PDGFRA: variants seen among roughly 807,000 people sequenced by gnomAD.
The protein encoded by PDGFRA is platelet-derived growth factor receptor alpha.
Under a neutral mutation model 121.5 loss-of-function variants are expected in PDGFRA, and 25 were observed. That is an observed-to-expected ratio of 0.21 (90% CI 0.15 to 0.29). PDGFRA has a LOEUF of 0.29. Ranked by LOEUF, PDGFRA falls within the 10% of genes least tolerant of loss-of-function variation. The pLI, the probability that PDGFRA is intolerant of heterozygous loss-of-function variation, is 1.00. For missense variants in PDGFRA, 1,008 were observed against 1,345.1 expected (o/e 0.75, Z 3.92); for synonymous variants, 463 against 494.8 (o/e 0.94, Z 0.85).
chr4:54,261,459 C>T (rs2110243994), intron 3 of PDGFRA, 47 bp downstream of exon 3: 2 of 1,308,822 alleles, frequency 1.5e-6, no homozygotes, highest in Non-Finnish European at 2.2e-6. Flanking sequence ...CTTCCTGTCT[C>T]TCCTGTTAAA....
chr4:54,249,438 G>A (rs897385721), intron 1 of PDGFRA, among the ~76,000 whole-genome samples: 3 of 152,154 alleles, frequency 2.0e-5, no homozygotes, highest in Non-Finnish European at 4.4e-5. Flanking sequence ...TATACACCAT[G>A]GAATAGTATG....
chr4:54,256,208 C>T (rs1246272597), intron 1 of PDGFRA, among the ~76,000 whole-genome samples: 1 of 151,962 alleles, frequency 6.6e-6, no homozygotes, highest in Non-Finnish European at 1.5e-5. Context: ...CATAGTGAGA[C>T]CTCATCTCTA....
intron 16 of PDGFRA, chr4:54,281,841 G>A (rs1034512742): frequency 1.6e-6 from 2 of 1,231,484 alleles, no homozygotes; most frequent in Non-Finnish European, 1.0e-6. Flanking sequence ...TACAAACAAA[G>A]AAACTCAAAG....
intron 1 of PDGFRA, among the ~76,000 whole-genome samples, chr4:54,249,309 A>G (rs1042206544): frequency 5.9e-5 from 9 of 152,250 alleles, no homozygotes; most frequent in African/African-American, 2.2e-4. Context: ...ATTATAAATC[A>G]TGCTGCTATA....
At chr4:54,288,753 G>A (rs1430981077) in intron 19 of PDGFRA, 46 bp from the exon 20 acceptor site, 1 of 1,016,304 alleles carries the variant, frequency 9.8e-7, no homozygotes, top group East Asian at 2.4e-5. Flanking sequence ...TTTCAGCAAT[G>A]CACTGAGCGT....
chr4:54,277,513 A>T (rs1225830924), intron 13 of PDGFRA, 21 bp downstream of exon 13: 1 of 1,526,790 alleles, frequency 6.5e-7, no homozygotes, highest in Non-Finnish European at 9.1e-7. Flanking sequence ...CTTCCTGGGG[A>T]TTTTTTGAGC....
intron 22 of PDGFRA, among the ~76,000 whole-genome samples, chr4:54,291,990 A>G (rs1577751183): frequency 6.6e-6 from 1 of 152,290 alleles, no homozygotes; most frequent in Middle Eastern, 3.4e-3. Context: ...ACCAGTCAGA[A>G]TGGCTATTAT....
intron 3 of PDGFRA, among the ~76,000 whole-genome samples, chr4:54,262,295 G>T (rs1208247595): frequency 6.6e-6 from 1 of 151,940 alleles, no homozygotes; most frequent in Non-Finnish European, 1.5e-5. Context: ...AAACTCCTGG[G>T]CTCAAGTGAT....
At chr4:54,231,136 C>T (rs957232847) in intron 1 of PDGFRA, among the ~76,000 whole-genome samples, 1 of 152,194 alleles carries the variant, frequency 6.6e-6, no homozygotes, top group Non-Finnish European at 1.5e-5. Context: ...GCACTTCGCT[C>T]CCCGAATTGT....
rs1222441176 is a variant in PDGFRA at position 54,287,431 on chromosome 4, C to T, written c.2564C>T (p.Thr855Ile). ...AACTGTCTCCCTCCTTCCTTGCAGA[C>T]CTTTCTGCCCGTGAAGTGGATGGCT... ...HDSNYVSKGS[T>I]FLPVKWMAPE... Residue 855 changes from threonine (T) to isoleucine (I), a missense_variant and splice_region_variant, in exon 19 of 23, where the codon ACC becomes ATC. Physicochemically the swap from Thr to Ile is moderately conservative, Grantham distance 89. This residue lies in a region of PDGFRA where 40 missense variants were observed against 127.4 expected (regional missense o/e 0.31). Coordinates refer to ENST00000257290, the MANE Select transcript of PDGFRA (RefSeq NM_006206.6). 7.6e-7 allele frequency: 1 copy of T among 1,310,194 alleles called. No homozygotes were observed. Among genetic ancestry groups the T allele is most frequent in the Non-Finnish European group, 1.1e-6 (1 of 902,432 alleles). 81.2% of individuals were successfully genotyped at this position (1,310,194 alleles called of 1,614,324 possible).
In PDGFRA at chr4:54,274,582, T is replaced by C. The variant is rs1723605045; in HGVS notation, c.1610T>C (p.Ile537Thr). 6 of 1,614,012 alleles carry C rather than the reference T, an allele frequency of 3.7e-6. No homozygotes were observed. The highest frequency in any genetic ancestry group is 4.2e-6 in the Non-Finnish European group (5 of 1,179,866). Residue 537 changes from isoleucine (I) to threonine (T), a missense_variant, in exon 11 of 23, where the codon ATT (isoleucine) becomes ACT (threonine). Ile to Thr is a moderately conservative substitution (Grantham distance 89). Coordinates refer to ENST00000257290, the MANE Select transcript of PDGFRA (RefSeq NM_006206.6). ...VAAAVLVLLV[I>T]VIISLIVLVV... is the part of the protein sequence containing the mutation. ...GCTGCAGTCCTGGTGCTGTTGGTGA[T>C]TGTGATCATCTCACTTATTGTCCTG...
At chr4:54,280,918 T>C (rs1029172177) in intron 16 of PDGFRA, among the ~76,000 whole-genome samples, 6 of 152,202 alleles carry the variant, frequency 3.9e-5, no homozygotes, top group African/African-American at 1.4e-4. Context: ...TTGCTTTTTT[T>C]CCCTTAAGTT....
rs576133174 is a variant in PDGFRA, at chr4:54,249,014, A to G, written c.-12-9743A>G. 2.4e-3 allele frequency among the ~76,000 whole-genome samples: 358 copies of G among 152,324 alleles called. 3 individuals carry two copies. Among genetic ancestry groups the G allele is most frequent in the Middle Eastern group, 0.02 (6 of 294 alleles). On this transcript the variant is annotated intron_variant, in intron 1 of 22. Coordinates refer to ENST00000257290, the MANE Select transcript of PDGFRA (RefSeq NM_006206.6). The stretch of plus-strand genomic sequence containing the variant: ...CAGAGAAATGCAAATCAAAACCACA[A>G]TGAGATAGCATCTCACACCAGTTAG...
chr4:54,284,976 C>G (rs951380338), intron 16 of PDGFRA, among the ~76,000 whole-genome samples: 4 of 143,490 alleles, frequency 2.8e-5, no homozygotes, highest in African/African-American at 5.1e-5. Flanking sequence ...TCATTGCAAC[C>G]TCCTCCTCCC....
Position 54,287,442 on chromosome 4 carries a change from G to A in PDGFRA, c.2575G>A (p.Val859Met), listed in dbSNP as rs1060501520. 4 of 1,459,866 alleles carry A rather than the reference G, an allele frequency of 2.7e-6. No individual in the cohort carries two copies. The highest frequency in any genetic ancestry group is 1.1e-5 in the South Asian group (1 of 88,000). 90.4% of individuals were successfully genotyped at this position (1,459,866 alleles called of 1,614,324 possible). ...YVSKGSTFLP[V>M]KWMAPESIFD... ...TCCTTCCTTGCAGACCTTTCTGCCC[G>A]TGAAGTGGATGGCTCCTGAGAGCAT... The change falls in exon 19 of 23, where the codon GTG becomes ATG. Residue 859 changes from valine (V) to methionine (M), a missense_variant. This residue lies in a region of PDGFRA where 40 missense variants were observed against 127.4 expected (regional missense o/e 0.31). Coordinates refer to ENST00000257290, the MANE Select transcript of PDGFRA (RefSeq NM_006206.6).
intron 2 of PDGFRA, among the ~76,000 whole-genome samples, chr4:54,259,597 C>G (rs1011877062): frequency 6.6e-6 from 1 of 152,168 alleles, no homozygotes; most frequent in Admixed American, 6.5e-5. Flanking sequence ...GCCATGAAAC[C>G]AGTGCTCTTC....
chr4:54,241,321 G>T (rs942504680), intron 1 of PDGFRA, among the ~76,000 whole-genome samples: 38 of 152,032 alleles, frequency 2.5e-4, no homozygotes, highest in African/African-American at 8.9e-4. Flanking sequence ...ATGTTATAAA[G>T]AAATTTTATG....
chr4:54,261,923 A>G (rs1303772610), intron 3 of PDGFRA, among the ~76,000 whole-genome samples: 2 of 74,588 alleles, frequency 2.7e-5, no homozygotes, highest in Non-Finnish European at 5.2e-5. Flanking sequence ...ATATATATAT[A>G]TATATATATT....
At chr4:54,236,071 C>G (rs1720991297) in intron 1 of PDGFRA, among the ~76,000 whole-genome samples, 1 of 152,214 alleles carries the variant, frequency 6.6e-6, no homozygotes, top group Admixed American at 6.5e-5. Context: ...CAGTTTGTTC[C>G]TCTAAGTTAT....
Sources: gnomAD v4.1 joint callset for allele counts (sites outside exome capture counted in the v4.1 genomes callset) on GRCh38, gnomAD v4.1.1 for gene constraint, gnomAD v4.1.1 regional missense constraint, MANE v1.5 for transcripts, NCBI Gene and HGNC (gene_info 2026-07-23, HGNC 2026-07-21) for gene names.